Variants in TMEM266 observed in about 807,000 individuals in gnomAD.
TMEM266 encodes Hv1 related protein 1.
TMEM266 carries 33 observed loss-of-function variants against 50.5 expected under a neutral mutation model. The observed-to-expected ratio is 0.65, with a 90% CI of 0.50 to 0.87. The LOEUF is 0.87. TMEM266 is among the 40% of genes least tolerant of loss of function. TMEM266 has a pLI of 0.00. For synonymous variants in TMEM266, 310 were observed against 292.3 expected (o/e 1.06, Z -0.62); for missense variants, 655 against 695.1 (o/e 0.94, Z 0.65).
intron 1 of TMEM266, among the ~76,000 whole-genome samples, chr15:76,131,222 C>T (rs569398667): frequency 6.6e-6 from 1 of 152,160 alleles, no homozygotes; most frequent in Non-Finnish European, 1.5e-5. Flanking sequence ...CAAAAATTAG[C>T]CAGGCGTGGT....
Position 76,204,309 on chromosome 15 carries a change from G to A in TMEM266, c.1590G>A (p.Glu530=). ...AGCAAAAGCTGCACAGGGTCCCTGA[G>A]GCCTAGAGCCTGCCATGGGCTGGGT... Residue 530 remains glutamate, a synonymous_variant, in exon 11 of 11, where the codon GAG becomes GAA. Coordinates refer to ENST00000388942, the MANE Select transcript of TMEM266 (RefSeq NM_152335.3). 6.3e-7 allele frequency: 1 copy of A among 1,599,578 alleles called. No individual in the cohort carries two copies. Among genetic ancestry groups the A allele is most frequent in the Non-Finnish European group, 8.6e-7 (1 of 1,169,430 alleles).
chr15:76,096,932 A>AT (rs61532742), intron 1 of TMEM266, among the ~76,000 whole-genome samples: 43,656 of 125,756 alleles, frequency 0.35, 7,626 homozygotes, highest in East Asian at 0.57. Context: ...GCAACTCCTG[A>AT]TTTTTTTTTT....
At chr15:76,154,353 C>T (rs1051917757) in intron 3 of TMEM266, among the ~76,000 whole-genome samples, 4 of 152,150 alleles carry the variant, frequency 2.6e-5, no homozygotes, top group African/African-American at 9.7e-5. Flanking sequence ...TCCTCTGTAG[C>T]CCCTTGCTTG....
At chr15:76,202,047 T>C (rs1310124277) in intron 9 of TMEM266, among the ~76,000 whole-genome samples, 155 bp from the exon 10 acceptor site, 1 of 152,118 alleles carries the variant, frequency 6.6e-6, no homozygotes, top group East Asian at 1.9e-4. Flanking sequence ...AGACAGGTGG[T>C]CCCCATGGAG....
intron 1 of TMEM266, among the ~76,000 whole-genome samples, chr15:76,075,994 C>A (rs1488825694): frequency 1.3e-5 from 2 of 151,146 alleles, no homozygotes; most frequent in East Asian, 1.9e-4. Context: ...GTAGCTGGGA[C>A]CACAGGTACA....
At chr15:76,105,207 C>G (rs2037062475) in intron 1 of TMEM266, among the ~76,000 whole-genome samples, 1 of 152,014 alleles carries the variant, frequency 6.6e-6, no homozygotes, top group African/African-American at 2.4e-5. Context: ...GATCGCGCCA[C>G]TGTACTCCAG....
chr15:76,160,712 G>A lies in TMEM266; in HGVS notation c.456+544G>A, dbSNP rs888435618. Among the ~76,000 whole-genome samples, 31 of 152,230 alleles carry A rather than the reference G, an allele frequency of 2.0e-4. No homozygotes were observed. ...ACAGGGCCGAAAGATGTGCCTCTCA[G>A]TGTGAGTGCGAGGCTGTATTTCCGA... is the stretch of plus-strand genomic sequence containing the variant. On this transcript the variant is annotated intron_variant, in intron 5 of 10. Coordinates refer to ENST00000388942, the MANE Select transcript of TMEM266 (RefSeq NM_152335.3). This position sits in a 1 kb window ranked among gnomAD's most constrained non-coding sequence, Gnocchi z 5.7.
At chr15:76,076,462 A>G (rs753509049) in intron 1 of TMEM266, among the ~76,000 whole-genome samples, 7 of 152,222 alleles carry the variant, frequency 4.6e-5, no homozygotes, top group Admixed American at 2.6e-4. Context: ...ATGCTTAAAT[A>G]TTCACACGGT....
intron 1 of TMEM266, among the ~76,000 whole-genome samples, chr15:76,127,967 G>A (rs1016840435): frequency 2.0e-5 from 3 of 152,044 alleles, no homozygotes; most frequent in African/African-American, 7.2e-5. Context: ...GTTTTAATAA[G>A]CCCTTTAGGT....
At chr15:76,126,554 C>T (rs1167983562) in intron 1 of TMEM266, among the ~76,000 whole-genome samples, 10 of 148,416 alleles carry the variant, frequency 6.7e-5, no homozygotes, top group Admixed American at 1.3e-4. Flanking sequence ...TTTTTTTAGA[C>T]GGAGTCTCAC....
chr15:76,163,926 G>C (rs1029823242), intron 5 of TMEM266, among the ~76,000 whole-genome samples: 3 of 152,150 alleles, frequency 2.0e-5, no homozygotes, highest in Non-Finnish European at 4.4e-5. Flanking sequence ...TTTTACAGTG[G>C]ACAATTCCGT....
chr15:76,174,423 T>C (rs1422496120), intron 7 of TMEM266, among the ~76,000 whole-genome samples: 2 of 151,836 alleles, frequency 1.3e-5, no homozygotes, highest in Non-Finnish European at 2.9e-5. Context: ...TGGTGGCGGG[T>C]GCCTGTAATC....
intron 9 of TMEM266, among the ~76,000 whole-genome samples, chr15:76,192,925 A>G (rs1481862408): frequency 6.6e-6 from 1 of 152,164 alleles, no homozygotes; most frequent in Non-Finnish European, 1.5e-5. Flanking sequence ...CTGGGCTGGG[A>G]ACTCGGGCTG....
At chr15:76,154,604 C>T (rs1191394742) in intron 3 of TMEM266, among the ~76,000 whole-genome samples, 1 of 152,090 alleles carries the variant, frequency 6.6e-6, no homozygotes, top group African/African-American at 2.4e-5. Flanking sequence ...CATCGACCAT[C>T]CCCAGCCCCA....
intron 1 of TMEM266, among the ~76,000 whole-genome samples, chr15:76,089,762 G>A (rs1226489569): frequency 6.6e-6 from 1 of 152,146 alleles, no homozygotes; most frequent in Non-Finnish European, 1.5e-5. Flanking sequence ...GGGCAAGTTG[G>A]GAGTTGTTTC....
At chr15:76,077,469 C>T (rs1293096907) in intron 1 of TMEM266, among the ~76,000 whole-genome samples, 1 of 152,018 alleles carries the variant, frequency 6.6e-6, no homozygotes, top group Non-Finnish European at 1.5e-5. Context: ...ACAAGATATC[C>T]ACACAAATAC....
At chr15:76,201,394 C>T (rs2142091893) in intron 9 of TMEM266, among the ~76,000 whole-genome samples, 1 of 152,202 alleles carries the variant, frequency 6.6e-6, no homozygotes, top group South Asian at 2.1e-4. Flanking sequence ...AACCAAGATT[C>T]CTTATTATTT....
intron 7 of TMEM266, among the ~76,000 whole-genome samples, chr15:76,173,898 A>G (rs796451811): frequency 2.0e-5 from 3 of 150,918 alleles, no homozygotes; most frequent in African/African-American, 7.3e-5. Context: ...ATGTCACTGC[A>G]CTCCAGCCTG....
At chr15:76,157,145 T>C (rs2037939809) in intron 4 of TMEM266, among the ~76,000 whole-genome samples, 1 of 152,212 alleles carries the variant, frequency 6.6e-6, no homozygotes, top group South Asian at 2.1e-4. Context: ...CGGAGGCATC[T>C]CAGCTTGTAG....
Sources: allele counts gnomAD v4.1 joint callset (sites outside exome capture counted in the v4.1 genomes callset), GRCh38; gene constraint gnomAD v4.1.1; non-coding constraint Gnocchi (gnomAD v3.1); transcripts MANE v1.5; gene names NCBI Gene and HGNC (gene_info 2026-07-23, HGNC 2026-07-21).